ASIC2: variants seen among roughly 807,000 people sequenced by gnomAD.
ASIC2 encodes the protein acid sensing ion channel subunit 2.
A neutral mutation model predicts 57.3 loss-of-function variants in ASIC2; 25 were observed. That is an observed-to-expected ratio of 0.44 (90% CI 0.32 to 0.61). ASIC2 has a LOEUF of 0.61. ASIC2 is among the 20% of genes least tolerant of loss of function. The pLI is 0.06. For synonymous variants in ASIC2, 319 were observed against 307.5 expected, an observed-to-expected ratio of 1.04 and a Z score of -0.39; for missense variants, 641 against 738.1, an observed-to-expected ratio of 0.87 and a Z score of 1.52.
chr17:33,466,710 A>C (rs4598956), intron 1 of ASIC2, among the ~76,000 whole-genome samples: 33,209 of 152,128 alleles, frequency 0.22, 3,742 homozygotes, highest in Non-Finnish European at 0.24. Context: ...CAATGATCTG[A>C]TCTTTGACAA....
intron 1 of ASIC2, among the ~76,000 whole-genome samples, chr17:33,532,184 C>T (rs142442251): frequency 0.011 from 1,628 of 152,250 alleles, 29 homozygotes; most frequent in African/African-American, 0.037. Flanking sequence ...GGTTTGCCCT[C>T]GGCAAGCGCC....
chr17:33,242,656 T>A (rs1567796251), intron 1 of ASIC2, among the ~76,000 whole-genome samples: 2 of 152,280 alleles, frequency 1.3e-5, no homozygotes, highest in East Asian at 3.9e-4. Flanking sequence ...ATGAGAGTAA[T>A]CCCGAGACGT....
rs895686291 is a variant in ASIC2 at position 33,013,714 on chromosome 17, T to A, written c.*251A>T. On this transcript the variant is annotated 3_prime_UTR_variant, in exon 10 of 10. Coordinates refer to ENST00000225823, the MANE Select transcript of ASIC2 (RefSeq NM_183377.2). ...TTATACATCTGGCAGTGAGATGTGA[T>A]GGCAGGTTCGTTCTTGGACAGTTCC... 6 of 520,962 alleles carry A rather than the reference T, an allele frequency of 1.2e-5. No homozygotes were observed. Among genetic ancestry groups the A allele is most frequent in the Non-Finnish European group, 2.1e-5 (6 of 289,518 alleles). 32.3% of individuals were successfully genotyped at this position (520,962 alleles called of 1,614,324 possible).
At chr17:33,945,685 C>T (rs1904353609) in intron 1 of ASIC2, among the ~76,000 whole-genome samples, 1 of 152,132 alleles carries the variant, frequency 6.6e-6, no homozygotes, top group Admixed American at 6.5e-5. Context: ...TCCCACAAAT[C>T]TTCACCAGGT....
intron 1 of ASIC2, among the ~76,000 whole-genome samples, chr17:33,275,539 T>A (rs1904671116): frequency 1.3e-5 from 2 of 152,168 alleles, no homozygotes; most frequent in South Asian, 4.1e-4. Context: ...TGGGAAGAGC[T>A]AGGTTGTAGC....
intron 1 of ASIC2, among the ~76,000 whole-genome samples, chr17:33,194,345 T>C (rs1033228020): frequency 6.6e-6 from 1 of 152,216 alleles, no homozygotes; most frequent in Non-Finnish European, 1.5e-5. Flanking sequence ...ATGTTGCTTA[T>C]GTCTTGGTTT....
At chr17:33,802,855 G>A (rs1912169742) in intron 1 of ASIC2, among the ~76,000 whole-genome samples, 1 of 152,350 alleles carries the variant, frequency 6.6e-6, no homozygotes, top group East Asian at 1.9e-4. Flanking sequence ...GGGTTGAGGA[G>A]TGAAGGGCAA....
rs1170382846 is a variant in ASIC2 at position 33,291,474 on chromosome 17, C to G, written c.642G>C (p.Gln214His). Residue 214 changes from glutamine to histidine, a missense_variant, in exon 1 of 10, where the codon CAG (glutamine) becomes CAC (histidine). Physicochemically the swap from Gln to His is conservative, Grantham distance 24. This residue lies in a region of ASIC2 where 382 missense variants were observed against 398.0 expected (regional missense o/e 0.96). Coordinates refer to ENST00000225823, the MANE Select transcript of ASIC2 (RefSeq NM_183377.2). Reference sequence around the variant, plus strand: ...TGCAGGAGAGCAGCATGTCCTCCAGCTGGTGGCCCAGGCGGTCCATGAAGG... The same window carrying G: ...TGCAGGAGAGCAGCATGTCCTCCAGGTGGTGGCCCAGGCGGTCCATGAAGG... Reference protein sequence around the residue: ...SAAFMDRLGHQLEDMLLSCKY... With the variant: ...SAAFMDRLGHHLEDMLLSCKY... The G allele has an allele frequency of 2.5e-6, 4 of 1,612,434 alleles. No individual in the cohort carries two copies. The highest frequency in any genetic ancestry group is 3.4e-6 in the Non-Finnish European group (4 of 1,179,680).
rs77998928 is a variant in ASIC2 at position 33,973,327 on chromosome 17, G to T, written c.555+182651C>A. On this transcript the variant is annotated intron_variant, in intron 1 of 9. Coordinates refer to the ASIC2 transcript ENST00000359872. The stretch of plus-strand genomic sequence containing the variant: ...ACCCAGTGGAGACATCAACAGAGGG[G>T]CTGTGGTTCCTAGCTTCCCATTCAG... Among the ~76,000 whole-genome samples the T allele has an allele frequency of 6.4e-3, 972 of 152,300 alleles. 11 individuals carry two copies. Among genetic ancestry groups the T allele is most frequent in the African/African-American group, 0.021 (882 of 41,550 alleles).
At chr17:34,150,491 A>C (rs960569694) in intron 1 of ASIC2, among the ~76,000 whole-genome samples, 7 of 152,210 alleles carry the variant, frequency 4.6e-5, no homozygotes, top group Admixed American at 6.5e-5. Context: ...ACTTCAAAGC[A>C]GTGTTGTACA....
chr17:33,929,172 C>T (rs1385614467), intron 1 of ASIC2, among the ~76,000 whole-genome samples: 2 of 152,164 alleles, frequency 1.3e-5, no homozygotes, highest in Non-Finnish European at 2.9e-5. Context: ...AGGAGACTGG[C>T]TCAGCTCACC....
At chr17:33,413,663 C>T (rs1199824643) in intron 1 of ASIC2, among the ~76,000 whole-genome samples, 1 of 152,250 alleles carries the variant, frequency 6.6e-6, no homozygotes, top group Middle Eastern at 3.2e-3. Flanking sequence ...CTCCTTTCTG[C>T]AGATTTTCAC....
chr17:33,751,546 G>T (rs1326273034), intron 1 of ASIC2, among the ~76,000 whole-genome samples: 1 of 151,532 alleles, frequency 6.6e-6, no homozygotes, highest in East Asian at 1.9e-4. Context: ...TTTTTATTGC[G>T]ACTAGAATTT....
chr17:33,460,484 G>A (rs1912599916), intron 1 of ASIC2, among the ~76,000 whole-genome samples: 1 of 152,212 alleles, frequency 6.6e-6, no homozygotes, highest in South Asian at 2.1e-4. Flanking sequence ...GCTCTGCCAT[G>A]ACAAAGTGAA....
At chr17:33,924,339 G>A (rs1214001981) in intron 1 of ASIC2, among the ~76,000 whole-genome samples, 1 of 152,224 alleles carries the variant, frequency 6.6e-6, no homozygotes, top group Non-Finnish European at 1.5e-5. Context: ...GGCTTAAGCA[G>A]GAGCCAGAGT....
intron 3 of ASIC2, among the ~76,000 whole-genome samples, chr17:33,078,819 G>T (rs1183976380): frequency 6.6e-6 from 1 of 152,220 alleles, no homozygotes; most frequent in African/African-American, 2.4e-5. Context: ...GGCTAGTCTT[G>T]TCCACTGGTA....
chr17:33,335,171 G>A (rs1437905818), intron 1 of ASIC2, among the ~76,000 whole-genome samples: 2 of 152,158 alleles, frequency 1.3e-5, no homozygotes, highest in Admixed American at 6.6e-5. Context: ...TAGCGCTAGC[G>A]TCCAGGTAAA....
intron 1 of ASIC2, among the ~76,000 whole-genome samples, chr17:33,950,605 C>T (rs1275789015): frequency 6.6e-6 from 1 of 152,226 alleles, no homozygotes; most frequent in Non-Finnish European, 1.5e-5. Context: ...GGTCCACAGA[C>T]ATCACCTCCA....
chr17:33,578,968 G>T (rs545351101), intron 1 of ASIC2, among the ~76,000 whole-genome samples: 7 of 152,122 alleles, frequency 4.6e-5, no homozygotes, highest in Non-Finnish European at 7.3e-5. Flanking sequence ...TGGTCCTAGG[G>T]AGCACCTTGG....
Sources: gnomAD v4.1 joint callset for allele counts (sites outside exome capture counted in the v4.1 genomes callset) on GRCh38, gnomAD v4.1.1 for gene constraint, gnomAD v4.1.1 regional missense constraint, MANE v1.5 for transcripts, NCBI Gene and HGNC (gene_info 2026-07-23, HGNC 2026-07-21) for gene names.